CCDC66: variants seen among roughly 807,000 people sequenced by gnomAD.
CCDC66 encodes coiled-coil domain containing 66.
A neutral mutation model predicts 128.3 loss-of-function variants in CCDC66; 133 were observed. The ratio of observed to expected loss-of-function variants is 1.04; its 90% CI spans 0.90 to 1.20. CCDC66 has a LOEUF of 1.20. Ranked by LOEUF, CCDC66 falls within the 50% of genes most tolerant of loss-of-function variation. The probability of loss-of-function intolerance (pLI) is 0.00; values close to 1 mark genes in which losing one functional copy is unlikely to be tolerated. For missense variants in CCDC66, 1,126 were observed against 1,075.5 expected (o/e 1.05, Z -0.66); for synonymous variants, 387 against 357.0 (o/e 1.08, Z -0.95).
rs138607475 is a variant in CCDC66 at position 56,563,953 on chromosome 3, C to T, written c.372C>T (p.Thr124=). 1.2e-5 allele frequency: 19 copies of T among 1,613,750 alleles called. No individual in the cohort carries two copies. The highest frequency in any genetic ancestry group is 1.1e-4 in the African/African-American group (8 of 74,900). Residue 124 remains threonine (T), a synonymous_variant, in exon 4 of 18, where the codon ACC becomes ACT. Transcript: ENST00000394672. ...CTAATATGCAGAAGACTAGAAACACCGTAAATACATCTCTAGTAGGTAAAC... is the reference window on the plus strand; with the variant it reads ...CTAATATGCAGAAGACTAGAAACACTGTAAATACATCTCTAGTAGGTAAAC... ...ATPNMQKTRN[T]VNTSLVGKQK...
chr3:56,621,198 G>C, intron 17 of CCDC66: 1 of 170,570 alleles, frequency 5.9e-6, no homozygotes, highest in Non-Finnish European at 1.2e-5. Context: ...AAAAAACACT[G>C]TATGTTAAGG....
At chr3:56,567,135 T>C in intron 6 of CCDC66, 82 bp downstream of exon 6, 1 of 1,038,634 alleles carries the variant, frequency 9.6e-7, no homozygotes, top group Admixed American at 1.9e-5. Context: ...CTCACACCTG[T>C]AATACCAGCA....
chr3:56,612,722 T>G (rs1236794475), intron 10 of CCDC66, among the ~76,000 whole-genome samples: 1 of 152,010 alleles, frequency 6.6e-6, no homozygotes, highest in Non-Finnish European at 1.5e-5. Context: ...CCAGCTGTGA[T>G]GGTAATGGCA....
chr3:56,617,868 A>G (rs977910882), intron 14 of CCDC66: 1 of 569,548 alleles, frequency 1.8e-6, no homozygotes, highest in Non-Finnish European at 3.1e-6. Context: ...CACAAAGCTG[A>G]AAAGGTTTCC....
intron 10 of CCDC66, among the ~76,000 whole-genome samples, chr3:56,605,886 C>A (rs1341893719): frequency 6.6e-6 from 1 of 152,112 alleles, no homozygotes; most frequent in Non-Finnish European, 1.5e-5. Context: ...CCCCTTCCCC[C>A]TGGTGCTCTG....
chr3:56,581,616 C>T lies in CCDC66; in HGVS notation c.936+10314C>T, dbSNP rs538575713. Among the ~76,000 whole-genome samples the T allele has an allele frequency of 2.1e-3, 319 of 151,824 alleles. 2 individuals carry two copies. The highest frequency in any genetic ancestry group is 0.02 in the South Asian group (97 of 4,810). On this transcript the variant is annotated intron_variant, in intron 7 of 17. Coordinates refer to ENST00000394672, the MANE Select transcript of CCDC66 (RefSeq NM_001141947.3). ...TTGGTGTGGATGTCCTTTCTGTTTG[C>T]TAGTTTTCCTTCTAACAGTCAGGAC... is the stretch of plus-strand genomic sequence containing the variant.
intron 10 of CCDC66, among the ~76,000 whole-genome samples, chr3:56,605,982 A>C (rs181311780): frequency 6.6e-6 from 1 of 152,072 alleles, no homozygotes; most frequent in African/African-American, 2.4e-5. Context: ...AAGAGGAGGA[A>C]TCTAGAGAGG....
intron 1 of CCDC66, among the ~76,000 whole-genome samples, chr3:56,558,359 A>G (rs2064650414): frequency 6.6e-6 from 1 of 152,174 alleles, no homozygotes; most frequent in Admixed American, 6.5e-5. Context: ...ATCACTATGT[A>G]TTATTTGAAA....
At chr3:56,560,324 G>A (rs1266618461) in intron 3 of CCDC66, among the ~76,000 whole-genome samples, 3 of 152,148 alleles carry the variant, frequency 2.0e-5, no homozygotes, top group Non-Finnish European at 4.4e-5. Flanking sequence ...TCCTCCTCCA[G>A]CCTCCTGAGT....
intron 8 of CCDC66, 24 bp downstream of exon 8, chr3:56,593,125 A>G (rs780264505): frequency 1.5e-5 from 22 of 1,515,434 alleles, no homozygotes; most frequent in Non-Finnish European, 2.7e-6. Flanking sequence ...TTTTGTGGCT[A>G]TAAAAGAAAA....
intron 7 of CCDC66, among the ~76,000 whole-genome samples, chr3:56,580,900 T>A (rs903212125): frequency 6.6e-6 from 1 of 151,794 alleles, no homozygotes; most frequent in Non-Finnish European, 1.5e-5. Context: ...GGGTTGCTCT[T>A]CTTGAGGAGT....
At chr3:56,561,203 A>G (rs1017488758) in intron 3 of CCDC66, 103 of 455,282 alleles carry the variant, frequency 2.3e-4, no homozygotes, top group Admixed American at 4.5e-4. Context: ...AGTGGCCTTT[A>G]TCAAGTTCCT....
At chr3:56,611,190 G>T (rs2074750101) in intron 10 of CCDC66, among the ~76,000 whole-genome samples, 1 of 152,118 alleles carries the variant, frequency 6.6e-6, no homozygotes, top group Non-Finnish European at 1.5e-5. Context: ...ACCACCAGGT[G>T]GGGGCGGGGC....
At chr3:56,574,900 C>A (rs757855944) in intron 7 of CCDC66, among the ~76,000 whole-genome samples, 10 of 151,792 alleles carry the variant, frequency 6.6e-5, no homozygotes, top group Non-Finnish European at 1.3e-4. Flanking sequence ...AAATAACATC[C>A]TATTGTATGT....
intron 10 of CCDC66, among the ~76,000 whole-genome samples, 162 bp from the exon 11 acceptor site, chr3:56,613,427 C>T (rs888098417): frequency 6.6e-6 from 1 of 152,200 alleles, no homozygotes; most frequent in Non-Finnish European, 1.5e-5. Flanking sequence ...TTGAATTCCA[C>T]TGTTCTCTGT....
intron 7 of CCDC66, among the ~76,000 whole-genome samples, chr3:56,590,117 G>A (rs971398537): frequency 1.4e-4 from 21 of 152,254 alleles, no homozygotes; most frequent in Middle Eastern, 3.4e-3. Context: ...CAGTAGACAA[G>A]GTCGGCAGGT....
At chr3:56,595,029 TC>T (rs1203435551) in intron 10 of CCDC66, among the ~76,000 whole-genome samples, 2 of 152,336 alleles carry the variant, frequency 1.3e-5, no homozygotes, top group East Asian at 3.9e-4. Flanking sequence ...ATTTGACATT[TC>T]CACTTCACTT....
chr3:56,574,054 AT>A (rs1385877254), intron 7 of CCDC66, among the ~76,000 whole-genome samples: 12 of 151,408 alleles, frequency 7.9e-5, no homozygotes, highest in African/African-American at 2.9e-4. Context: ...TTATTGGCTC[AT>A]TTTTTTTACT....
At chr3:56,577,861 C>T (rs530474235) in intron 7 of CCDC66, among the ~76,000 whole-genome samples, 4 of 151,888 alleles carry the variant, frequency 2.6e-5, no homozygotes, top group African/African-American at 2.4e-5. Flanking sequence ...ATGATGCCTC[C>T]AGCTTTGTTC....
Sources: gnomAD v4.1 joint callset for allele counts (sites outside exome capture counted in the v4.1 genomes callset) on GRCh38, gnomAD v4.1.1 for gene constraint, MANE v1.5 for transcripts, NCBI Gene and HGNC (gene_info 2026-07-23, HGNC 2026-07-21) for gene names.